The following LMTK2 variants were observed in gnomAD, a reference collection of about 807,000 sequenced individuals.
LMTK2 encodes the protein serine/threonine-protein kinase LMTK2.
A neutral mutation model predicts 127.5 loss-of-function variants in LMTK2; 37 were observed. The observed-to-expected ratio is 0.29, with a 90% CI of 0.22 to 0.38. The LOEUF is 0.38. LMTK2 is among the 10% of genes least tolerant of loss of function. The pLI is 1.00. For missense variants in LMTK2, 1,694 were observed against 1,920.3 expected, an observed-to-expected ratio of 0.88 and a Z score of 2.20; for synonymous variants, 819 against 810.1, an observed-to-expected ratio of 1.01 and a Z score of -0.19.
chr7:98,119,465 A>T (rs915889585), intron 1 of LMTK2, among the ~76,000 whole-genome samples: 1 of 152,230 alleles, frequency 6.6e-6, no homozygotes, highest in African/African-American at 2.4e-5. Context: ...AAGGAATTCA[A>T]GCACTCCGGG....
intron 6 of LMTK2, among the ~76,000 whole-genome samples, chr7:98,164,643 T>A (rs1290745320): frequency 6.6e-6 from 1 of 152,172 alleles, no homozygotes; most frequent in Non-Finnish European, 1.5e-5. Context: ...ACGGGAGTCC[T>A]AACCAGGATC....
At position 98,203,667 on chromosome 7, in the gene LMTK2, A is replaced by T; in HGVS notation, c.4201A>T (p.Ser1401Cys). Residue 1401 changes from serine to cysteine, a missense_variant, in exon 12 of 14, where the codon AGC (serine) becomes TGC (cysteine). Transcript: ENST00000297293. ...CCCAGCCTCAGGCTCTCCCTACCTG[A>T]GCAGGTGCATCAACTCCGAAAGCTC... ...PAPASGSPYLSRCINSESSTD... is the reference protein window; with the variant it reads ...PAPASGSPYLCRCINSESSTD... 1 of 1,613,854 alleles carries T rather than the reference A, an allele frequency of 6.2e-7. No individual in the cohort carries two copies. The highest frequency in any genetic ancestry group is 2.2e-5 in the East Asian group (1 of 44,872).
At position 98,193,365 on chromosome 7, in the gene LMTK2, C is replaced by T; in HGVS notation, c.2900C>T (p.Ala967Val). 3.1e-6 allele frequency: 5 copies of T among 1,614,142 alleles called. No homozygotes were observed. The highest frequency in any genetic ancestry group is 2.2e-5 in the East Asian group (1 of 44,884). Residue 967 changes from alanine (A) to valine (V), a missense_variant, in exon 11 of 14, where the codon GCC (alanine) becomes GTC (valine). Physicochemically the swap from Ala to Val is moderately conservative, Grantham distance 64. Around this residue, in one of 8 missense-constraint regions of LMTK2, gnomAD observed 527 missense variants for 539.8 expected, o/e 0.98. Transcript: ENST00000297293. This position sits in a 1 kb window ranked among gnomAD's most constrained non-coding sequence, Gnocchi z 4.1. ...GCAAAAGAAGCAGGCTTGGTGTCTG[C>T]CCTCTCCTCGGACTCAACCAGTCAG... ...DAAKEAGLVS[A>V]LSSDSTSQDS... is the part of the protein sequence containing the mutation.
chr7:98,148,974 C>T (rs528280032), intron 3 of LMTK2, among the ~76,000 whole-genome samples: 4 of 152,346 alleles, frequency 2.6e-5, no homozygotes, highest in Non-Finnish European at 4.4e-5. Flanking sequence ...TCTCACTCCC[C>T]GGCTTTTCTG....
chr7:98,139,976 A>G (rs947514834), intron 2 of LMTK2, among the ~76,000 whole-genome samples: 4 of 152,076 alleles, frequency 2.6e-5, no homozygotes, highest in Non-Finnish European at 4.4e-5. Flanking sequence ...GGCCGTGTCT[A>G]TGGTAAATTA....
At chr7:98,134,608 A>G (rs1197554367) in intron 1 of LMTK2, among the ~76,000 whole-genome samples, 2 of 151,746 alleles carry the variant, frequency 1.3e-5, no homozygotes, top group Admixed American at 6.6e-5. Flanking sequence ...TGAGCACAGG[A>G]GTTCAAGACC....
chr7:98,201,420 T>C (rs1048085569), intron 11 of LMTK2, among the ~76,000 whole-genome samples: 1 of 152,192 alleles, frequency 6.6e-6, no homozygotes, highest in Non-Finnish European at 1.5e-5. Context: ...AGTGAACACT[T>C]TGGGCGTCAT....
intron 5 of LMTK2, among the ~76,000 whole-genome samples, chr7:98,157,763 A>G (rs1219529465): frequency 6.6e-6 from 1 of 152,196 alleles, no homozygotes; most frequent in Non-Finnish European, 1.5e-5. Flanking sequence ...TTCCATTTAT[A>G]TAATATTCTT....
intron 2 of LMTK2, among the ~76,000 whole-genome samples, chr7:98,138,444 C>T (rs188946305): frequency 5.9e-5 from 9 of 152,050 alleles, no homozygotes; most frequent in Admixed American, 2.6e-4. Flanking sequence ...CAGCACTGGC[C>T]GTATACACAC....
chr7:98,169,658 T>A (rs567989731), intron 6 of LMTK2, among the ~76,000 whole-genome samples: 1 of 152,346 alleles, frequency 6.6e-6, no homozygotes, highest in African/African-American at 2.4e-5. Flanking sequence ...ATGGGCTACC[T>A]TATGAAACTC....
In LMTK2 at chr7:98,192,033, A is replaced by G. The variant is rs1393187471; in HGVS notation, c.1568A>G (p.Asp523Gly). Residue 523 changes from aspartate to glycine, a missense_variant, in exon 11 of 14, where the codon GAT (aspartate) becomes GGT (glycine). By Grantham distance (94) the Asp-to-Gly change is moderately conservative. Coordinates refer to ENST00000297293, the MANE Select transcript of LMTK2 (RefSeq NM_014916.4). ...SLSDPGPGKQ[D>G]DSGQDVPLRV... ...TCAGATCCTGGGCCCGGAAAGCAAG[A>G]TGACAGCGGCCAGGATGTCCCCCTG... 2.5e-6 allele frequency: 4 copies of G among 1,605,896 alleles called. No individual in the cohort carries two copies. Among genetic ancestry groups the G allele is most frequent in the East Asian group, 2.2e-5 (1 of 44,706 alleles).
rs1797779569 is a variant in LMTK2, at chr7:98,205,563, A to C, written c.*71A>C. On this transcript the variant is annotated 3_prime_UTR_variant, in exon 14 of 14. Coordinates refer to ENST00000297293, the MANE Select transcript of LMTK2 (RefSeq NM_014916.4). ...GCGGCGCCCCTGCGCCCTCAGCCCG[A>C]GCAGCGACATCCACTCGCCATTTGC... 3.3e-6 allele frequency: 5 copies of C among 1,507,596 alleles called. No individual in the cohort carries two copies. Among genetic ancestry groups the C allele is most frequent in the Non-Finnish European group, 2.7e-6 (3 of 1,095,210 alleles). The allele number at this position is 1,507,596 out of a possible 1,614,324, so 93.4% of individuals were successfully genotyped here.
chr7:98,173,133 C>T (rs997623394), intron 7 of LMTK2, among the ~76,000 whole-genome samples: 2 of 152,158 alleles, frequency 1.3e-5, no homozygotes, highest in Admixed American at 1.3e-4. Flanking sequence ...AGTATGAAAA[C>T]ACCTGGTCGT....
At chr7:98,164,213 A>T (rs1268815819) in intron 6 of LMTK2, among the ~76,000 whole-genome samples, 1 of 152,110 alleles carries the variant, frequency 6.6e-6, no homozygotes, top group Admixed American at 6.5e-5. Flanking sequence ...AGATGACTGT[A>T]GGGTGTTTTA....
rs114259102 is a variant in LMTK2 at position 98,145,099 on chromosome 7, C to T, written c.376+3558C>T. Among the ~76,000 whole-genome samples, 890 of 152,160 alleles carry T rather than the reference C, an allele frequency of 5.8e-3. 10 individuals are homozygous for T. Among genetic ancestry groups the T allele is most frequent in the African/African-American group, 0.02 (823 of 41,514 alleles). ...TTGCCAGCTTACCCTCTGCAGGAGT[C>T]GACCAATTTATCTTCCTGCCAGTTG... On this transcript the variant is annotated intron_variant, in intron 3 of 13. Transcript: ENST00000297293.
intron 4 of LMTK2, among the ~76,000 whole-genome samples, chr7:98,153,078 T>C (rs1796879959): frequency 1.3e-5 from 2 of 151,620 alleles, no homozygotes; most frequent in South Asian, 4.1e-4. Flanking sequence ...AGTCGGGAGT[T>C]CATCTTTGCT....
chr7:98,186,340 C>A (rs1043226305), intron 8 of LMTK2, among the ~76,000 whole-genome samples: 4 of 152,082 alleles, frequency 2.6e-5, no homozygotes, highest in African/African-American at 7.2e-5. Flanking sequence ...GGATTGCAGG[C>A]GTGAGCCACC....
chr7:98,107,104 T>C lies in LMTK2; in HGVS notation c.-74T>C. ...ACTGAGGCAGCGGAGGGAGGCAGGATCGACTGACGGGCGAACGGACGGACG... is the reference window on the plus strand; with the variant it reads ...ACTGAGGCAGCGGAGGGAGGCAGGACCGACTGACGGGCGAACGGACGGACG... On this transcript the variant is annotated 5_prime_UTR_variant, in exon 1 of 14. Coordinates refer to ENST00000297293, the MANE Select transcript of LMTK2 (RefSeq NM_014916.4). 8.4e-7 allele frequency: 1 copy of C among 1,193,634 alleles called. No individual in the cohort carries two copies. The highest frequency in any genetic ancestry group is 1.6e-5 in the African/African-American group (1 of 62,212). The allele number at this position is 1,193,634 out of a possible 1,614,324, so 73.9% of individuals were successfully genotyped here. A position where few individuals can be genotyped will look rare whatever the true frequency, so the allele number is the denominator to read the frequency against.
intron 1 of LMTK2, among the ~76,000 whole-genome samples, chr7:98,129,659 C>A (rs938256165): frequency 6.6e-6 from 1 of 152,190 alleles, no homozygotes; most frequent in Non-Finnish European, 1.5e-5. Flanking sequence ...AGCCACTGTG[C>A]CTAGCTCGTA....
Sources: allele counts gnomAD v4.1 joint callset (sites outside exome capture counted in the v4.1 genomes callset), GRCh38; gene constraint gnomAD v4.1.1; regional missense constraint gnomAD v4.1.1; non-coding constraint Gnocchi (gnomAD v3.1); transcripts MANE v1.5; gene names NCBI Gene and HGNC (gene_info 2026-07-23, HGNC 2026-07-21).